Variants in PKD1 observed in about 807,000 individuals in gnomAD.
PKD1 encodes polycystin 1, transient receptor potential channel interacting.
Under a neutral mutation model 361.7 loss-of-function variants are expected in PKD1, and 81 were observed. The observed-to-expected ratio is 0.22, with a 90% CI of 0.19 to 0.27. The LOEUF (loss-of-function observed/expected upper bound fraction) is 0.27, where lower values mean the gene tolerates loss of function less well. PKD1 is among the 10% of genes least tolerant of loss of function. The pLI is 1.00. For synonymous variants in PKD1, 3,615 were observed against 2,818.3 expected, an observed-to-expected ratio of 1.28 and a Z score of -8.95; for missense variants, 6,399 against 6,118.3, an observed-to-expected ratio of 1.05 and a Z score of -1.53.
rs760835715 is a variant in PKD1, at chr16:2,093,624, C to T, written c.10936G>A (p.Val3646Ile). Residue 3646 changes from valine (V) to isoleucine (I), a missense_variant, in exon 37 of 46, where the codon GTA becomes ATA. By Grantham distance (29) the Val-to-Ile change is conservative. Coordinates refer to ENST00000262304, the MANE Select transcript of PKD1 (RefSeq NM_001009944.3). Reference protein sequence around the residue: ...VTPVSARVPRVRPPHGFALFL... With the variant: ...VTPVSARVPRIRPPHGFALFL... The stretch of plus-strand genomic sequence containing the variant: ...AGTGCAAAGCCGTGGGGTGGCCGTA[C>T]GCGGGGCACACGTGCGCTCACAGGC... 15 of 1,609,462 alleles carry T rather than the reference C, an allele frequency of 9.3e-6. No individual in the cohort carries two copies. Among genetic ancestry groups the T allele is most frequent in the African/African-American group, 8.0e-5 (6 of 74,872 alleles).
rs1027901237 is a variant in PKD1 at position 2,114,796 on chromosome 16, G to A, written c.2227C>T (p.Leu743Phe). 36 of 1,075,910 alleles carry A rather than the reference G, an allele frequency of 3.3e-5. No individual in the cohort carries two copies. The highest frequency in any genetic ancestry group is 4.5e-5 in the Non-Finnish European group (33 of 733,990). 66.6% of individuals were successfully genotyped at this position (1,075,910 alleles called of 1,614,324 possible). A position where few individuals can be genotyped will look rare whatever the true frequency, so the allele number is the denominator to read the frequency against. ...AGCCATGACGAGGCGTTGGCGGAGAGGTACGGGGCCCGGGGACCAGGGTGG... is the reference window on the plus strand; with the variant it reads ...AGCCATGACGAGGCGTTGGCGGAGAAGTACGGGGCCCGGGGACCAGGGTGG... ...PGHPGPRAPY[L>F]SANASSWLPH... Residue 743 changes from leucine to phenylalanine, a missense_variant, in exon 11 of 46, where the codon CTC (leucine) becomes TTC (phenylalanine). Coordinates refer to ENST00000262304, the MANE Select transcript of PKD1 (RefSeq NM_001009944.3).
chr16:2,106,489 G>T lies in PKD1; in HGVS notation c.7398C>A (p.Ser2466=). The T allele has an allele frequency of 6.3e-7, 1 of 1,594,016 alleles. No individual in the cohort carries two copies. Among genetic ancestry groups the T allele is most frequent in the Non-Finnish European group, 8.5e-7 (1 of 1,177,654 alleles). ...EEEGCASIRL[S]PNRPPLGGSC... ...AGCCCCCCAGCGGCGGGCGGTTGGGGGACAGGCGGATGGAGGCGCAGCCCT... is the reference window on the plus strand; with the variant it reads ...AGCCCCCCAGCGGCGGGCGGTTGGGTGACAGGCGGATGGAGGCGCAGCCCT... Residue 2466 remains serine, a synonymous_variant, in exon 18 of 46, where the codon TCC becomes TCA. Transcript: ENST00000262304. This position sits in a 1 kb window ranked among gnomAD's most constrained non-coding sequence, Gnocchi z 6.5.
In PKD1 at chr16:2,091,453, G is replaced by C; in HGVS notation, c.11682C>G (p.Ser3894Arg). 1 of 1,236,492 alleles carries C rather than the reference G, an allele frequency of 8.1e-7. No individual in the cohort carries two copies. Among genetic ancestry groups the C allele is most frequent in the Non-Finnish European group, 1.0e-6 (1 of 987,566 alleles). 76.6% of individuals were successfully genotyped at this position (1,236,492 alleles called of 1,614,324 possible). The change falls in exon 42 of 46, where the codon AGC becomes AGG. Residue 3894 changes from serine to arginine, a missense_variant. Coordinates refer to ENST00000262304, the MANE Select transcript of PKD1 (RefSeq NM_001009944.3). The part of the protein sequence containing the change: ...SVRPFALRRL[S>R]AGLSLPLLTS... ...TGAGCAGAGGCAGCGAGAGGCCCGC[G>C]CTGAGGCGGCGCAGCGCAAAGGGGC...
intron 1 of PKD1, among the ~76,000 whole-genome samples, chr16:2,122,126 G>C (rs540947805): frequency 3.0e-4 from 46 of 152,374 alleles, no homozygotes; most frequent in African/African-American, 1.1e-3. Flanking sequence ...CCCCAGCTGA[G>C]GGGACAGAGC....
Position 2,119,000 on chromosome 16 carries a change from G to A in PKD1, c.359+114C>T, listed in dbSNP as rs138491556. ...GGGGGCTCCAAGCAGGCAGTGAACTGCCCCCAGGATCTGGTCTCAAGCCTG... is the reference window on the plus strand; with the variant it reads ...GGGGGCTCCAAGCAGGCAGTGAACTACCCCCAGGATCTGGTCTCAAGCCTG... On this transcript the variant is annotated intron_variant, in intron 3 of 45. Transcript: ENST00000262304. This position sits in a 1 kb window ranked among gnomAD's most constrained non-coding sequence, Gnocchi z 6.0. 19,853 of 904,212 alleles carry A rather than the reference G, an allele frequency of 0.022. 304 individuals carry two copies. Among genetic ancestry groups the A allele is most frequent in the Non-Finnish European group, 0.027 (15,495 of 572,322 alleles). 56.0% of individuals were successfully genotyped at this position (904,212 alleles called of 1,614,324 possible).
intron 39 of PKD1, 77 bp from the exon 40 acceptor site, chr16:2,092,265 G>A (rs372715843): frequency 4.1e-5 from 61 of 1,480,382 alleles, no homozygotes; most frequent in Admixed American, 2.0e-5. Flanking sequence ...TGGCCAGCTC[G>A]CCTGAGCTCT....
At chr16:2,113,555 C>G (rs2092573982) in intron 11 of PKD1, among the ~76,000 whole-genome samples, 1 of 151,824 alleles carries the variant, frequency 6.6e-6, no homozygotes, top group Non-Finnish European at 1.5e-5. Context: ...CTAGTACCAG[C>G]TACAAAGAGT....
In PKD1 at chr16:2,106,549, G is replaced by A; in HGVS notation, c.7338C>T (p.Phe2446=). Reference sequence around the variant, plus strand: ...CAGAGCGGCCCAGCACCGTGAGCGTGAAGGTGTATCCCTCGCCGTCCCGCA... The same window carrying A: ...CAGAGCGGCCCAGCACCGTGAGCGTAAAGGTGTATCCCTCGCCGTCCCGCA... The part of the protein sequence containing the change: ...GVLRDGEGYT[F]TLTVLGRSGE... Residue 2446 remains phenylalanine (F), a synonymous_variant, in exon 18 of 46, where the codon TTC becomes TTT. Transcript: ENST00000262304. This position sits in a 1 kb window ranked among gnomAD's most constrained non-coding sequence, Gnocchi z 6.5. The A allele has an allele frequency of 1.8e-5, 29 of 1,596,892 alleles. No homozygotes were observed. Among genetic ancestry groups the A allele is most frequent in the Non-Finnish European group, 2.4e-5 (28 of 1,179,198 alleles).
chr16:2,110,899 G>A lies in PKD1; in HGVS notation c.4268C>T (p.Pro1423Leu), dbSNP rs770705503. Residue 1423 changes from proline to leucine, a missense_variant, in exon 15 of 46, where the codon CCC (proline) becomes CTC (leucine). Transcript: ENST00000262304. ...CACCTCAGGGCCCCTGGCACGGGTG[G>A]GGGCGGCTTCCTCGGTGCCAAAGTC... is the stretch of plus-strand genomic sequence containing the variant. Reference protein sequence around the residue: ...TWDFGTEEAAPTRARGPEVTF... With the variant: ...TWDFGTEEAALTRARGPEVTF... The A allele has an allele frequency of 1.2e-6, 2 of 1,611,592 alleles. No homozygotes were observed. The highest frequency in any genetic ancestry group is 1.7e-6 in the Non-Finnish European group (2 of 1,179,840).
At chr16:2,122,395 C>T (rs1441655842) in intron 1 of PKD1, among the ~76,000 whole-genome samples, 1 of 152,206 alleles carries the variant, frequency 6.6e-6, no homozygotes, top group African/African-American at 2.4e-5. Context: ...GGGAACGGCC[C>T]CTCCGGCAGG....
At position 2,088,881 on chromosome 16, in the gene PKD1, G is replaced by GCGCGCGCACACACACACACACACACA. The variant is rs142285430; in HGVS notation, c.*845_*846insTGTGTGTGTGTGTGTGTGTGCGCGCG. 3.3e-5 allele frequency: 14 copies of GCGCGCGCACACACACACACACACACA among 421,478 alleles called. No individual in the cohort carries two copies. The highest frequency in any genetic ancestry group is 2.9e-4 in the African/African-American group (13 of 44,680). 26.1% of individuals were successfully genotyped at this position (421,478 alleles called of 1,614,324 possible). A position where few individuals can be genotyped will look rare whatever the true frequency, so the allele number is the denominator to read the frequency against. ...ACAGCACACTCGCGCGTGCGCGCGC[G>GCGCGCGCACACACACACACACACACA]CACACACACACACACACAGTCACCT... On this transcript the variant is annotated 3_prime_UTR_variant, in exon 46 of 46. Transcript: ENST00000262304.
intron 34 of PKD1, among the ~76,000 whole-genome samples, chr16:2,096,229 T>G (rs988151561): frequency 2.6e-5 from 4 of 152,252 alleles, no homozygotes; most frequent in African/African-American, 7.2e-5. Context: ...GCAGCCCCTG[T>G]GCATGCAGGC....
rs1479037048 is a variant in PKD1 at position 2,114,638 on chromosome 16, G to C, written c.2385C>G (p.Arg795=). 1 of 1,565,850 alleles carries C rather than the reference G, an allele frequency of 6.4e-7. No homozygotes were observed. Among genetic ancestry groups the C allele is most frequent in the East Asian group, 2.3e-5 (1 of 42,866 alleles). The change falls in exon 11 of 46, where the codon CGC becomes CGG. Residue 795 remains arginine, a synonymous_variant. Coordinates refer to ENST00000262304, the MANE Select transcript of PKD1 (RefSeq NM_001009944.3). ...RPNPGLRLPG[R]YEVRAEVGNG... ...TGCCCACCTCTGCCCGGACCTCATA[G>C]CGCCCAGGCAGCCGCAGTCCAGGGT...
In PKD1 at chr16:2,091,822, G is replaced by C. The variant is rs1337985878; in HGVS notation, c.11496C>G (p.Asp3832Glu). ...ELGLSLEESR[D>E]RLRFLQLHNW... ...TGTGCAGCTGCAGGAAGCGCAGCCG[G>C]TCGCGGCTCTCCTCCAGGCTCAGGC... Residue 3832 changes from aspartate to glutamate, a missense_variant, in exon 41 of 46, where the codon GAC becomes GAG. Coordinates refer to ENST00000262304, the MANE Select transcript of PKD1 (RefSeq NM_001009944.3). 4.3e-6 allele frequency: 7 copies of C among 1,610,288 alleles called. No homozygotes were observed. In the Admixed American group the frequency reaches 8.4e-5, roughly 19 times the overall value.
intron 1 of PKD1, among the ~76,000 whole-genome samples, chr16:2,130,800 G>T (rs1026923917): frequency 6.6e-6 from 1 of 152,224 alleles, no homozygotes; most frequent in African/African-American, 2.4e-5. Context: ...CAGGGATGCA[G>T]GTGGGAAAGG....
In PKD1 at chr16:2,118,107, A is replaced by G; in HGVS notation, c.885T>C (p.Ala295=). Residue 295 remains alanine, a synonymous_variant, in exon 5 of 46, where the codon GCT becomes GCC. Transcript: ENST00000262304. This position sits in a 1 kb window ranked among gnomAD's most constrained non-coding sequence, Gnocchi z 6.0. ...GTGTGGCAGTGACAGGGAGCGGGGC[A>G]GCGATGTGGAAGGCTGCTAGCTGGC... ...ASGQLAAFHI[A]APLPVTATRW... 1.2e-6 allele frequency: 2 copies of G among 1,605,822 alleles called. No homozygotes were observed. Among genetic ancestry groups the G allele is most frequent in the South Asian group, 2.2e-5 (2 of 90,592 alleles).
Position 2,097,176 on chromosome 16 carries a change from G to C in PKD1, c.10471C>G (p.His3491Asp). 1 of 1,556,340 alleles carries C rather than the reference G, an allele frequency of 6.4e-7. No homozygotes were observed. The highest frequency in any genetic ancestry group is 2.4e-5 in the East Asian group (1 of 41,390). Residue 3491 changes from histidine to aspartate, a missense_variant, in exon 34 of 46, where the codon CAC (histidine) becomes GAC (aspartate). Coordinates refer to ENST00000262304, the MANE Select transcript of PKD1 (RefSeq NM_001009944.3). ...VSSPAPTQDT[H>D]METDLLSSLS... is the part of the protein sequence containing the mutation. Reference sequence around the variant, plus strand: ...CTGCTGAGCAGGTCCGTTTCCATGTGGGTGTCTTGGGTAGGGGCTGGGCTG... The same window carrying C: ...CTGCTGAGCAGGTCCGTTTCCATGTCGGTGTCTTGGGTAGGGGCTGGGCTG...
At chr16:2,132,521 G>A (rs2092897719) in intron 1 of PKD1, among the ~76,000 whole-genome samples, 1 of 146,568 alleles carries the variant, frequency 6.8e-6, no homozygotes. Flanking sequence ...GTTGCGGTGA[G>A]CTGAGATCAT....
At chr16:2,094,351 C>A in intron 34 of PKD1, 141 bp from the exon 35 acceptor site, 1 of 685,796 alleles carries the variant, frequency 1.5e-6, no homozygotes, top group Non-Finnish European at 2.6e-6. Flanking sequence ...GACCCTACCC[C>A]AAACGAGAGT....
Sources: allele counts gnomAD v4.1 joint callset (sites outside exome capture counted in the v4.1 genomes callset), GRCh38; gene constraint gnomAD v4.1.1; non-coding constraint Gnocchi (gnomAD v3.1); transcripts MANE v1.5; gene names NCBI Gene and HGNC (gene_info 2026-07-23, HGNC 2026-07-21).